AKR1B10: variants seen among roughly 807,000 people sequenced by gnomAD.
The protein encoded by AKR1B10 is aldo-keto reductase family 1 member B10.
Under a neutral mutation model 38.9 loss-of-function variants are expected in AKR1B10, and 39 were observed. The observed-to-expected ratio is 1.00, with a 90% CI of 0.78 to 1.31. The LOEUF is 1.31. Among genes scored for constraint, AKR1B10 ranks in the 50% most tolerant of loss-of-function variants. The pLI, the probability that AKR1B10 is intolerant of heterozygous loss-of-function variation, is 0.00. For synonymous variants in AKR1B10, 148 were observed against 141.2 expected, an observed-to-expected ratio of 1.05 and a Z score of -0.34; for missense variants, 361 against 382.6, an observed-to-expected ratio of 0.94 and a Z score of 0.47.
chr7:134,540,596 GGAT>G (rs1303535892), intron 9 of AKR1B10, among the ~76,000 whole-genome samples: 1 of 152,154 alleles, frequency 6.6e-6, no homozygotes, highest in Non-Finnish European at 1.5e-5. Context: ...TTATAAAGTA[GGAT>G]GATAATACTA....
Position 134,527,859 on chromosome 7 carries a change from G to A in AKR1B10, c.-53G>A, listed in dbSNP as rs2037004. The A allele has an allele frequency of 0.38, 607,655 of 1,610,320 alleles. 116,776 individuals are homozygous for A. Among genetic ancestry groups the A allele is most frequent in the Non-Finnish European group, 0.4 (467,361 of 1,178,778 alleles). On this transcript the variant is annotated 5_prime_UTR_variant, in exon 1 of 10. Coordinates refer to ENST00000359579, the MANE Select transcript of AKR1B10 (RefSeq NM_020299.5). ...AGACTGTCTCAAAAACAGCAACAGA[G>A]AGCAGGACGTGAGACTTCTACCTGC...
Position 134,538,969 on chromosome 7 carries a change from C to T in AKR1B10, c.860C>T (p.Ala287Val). The change falls in exon 9 of 10, where the codon GCA becomes GTA. Residue 287 changes from alanine to valine, a missense_variant. Transcript: ENST00000359579. ...TTTAAATTGAGTGATGAGGAGATGG[C>T]AACCATACTCAGCTTCAACAGAAAC... ...FDFKLSDEEM[A>V]TILSFNRNWR... 3 of 1,614,038 alleles carry T rather than the reference C, an allele frequency of 1.9e-6. No homozygotes were observed. Among genetic ancestry groups the T allele is most frequent in the Non-Finnish European group, 2.5e-6 (3 of 1,179,966 alleles).
At position 134,531,912 on chromosome 7, in the gene AKR1B10, G is replaced by T; in HGVS notation, c.239G>T (p.Trp80Leu). 1 of 1,614,028 alleles carries T rather than the reference G, an allele frequency of 6.2e-7. No homozygotes were observed. The highest frequency in any genetic ancestry group is 1.3e-5 in the African/African-American group (1 of 75,026). Residue 80 changes from tryptophan (W) to leucine (L), a missense_variant, in exon 3 of 10, where the codon TGG (tryptophan) becomes TTG (leucine). Trp to Leu is a moderately conservative substitution (Grantham distance 61). This residue lies in a region of AKR1B10 where 220 missense variants were observed against 216.1 expected (regional missense o/e 1.02). Coordinates refer to ENST00000359579, the MANE Select transcript of AKR1B10 (RefSeq NM_020299.5). ...TCATTGCTACACTCTTTGCAGTTGT[G>T]GCCCACTTTCTTTGAGAGACCCCTT... Reference protein sequence around the residue: ...REDLFIVSKLWPTFFERPLVR... With the variant: ...REDLFIVSKLLPTFFERPLVR...
chr7:134,528,769 G>C (rs1256901368), intron 1 of AKR1B10, among the ~76,000 whole-genome samples: 1 of 152,046 alleles, frequency 6.6e-6, no homozygotes, highest in Non-Finnish European at 1.5e-5. Context: ...GAGAGACAGA[G>C]AGAAACAAAA....
At chr7:134,540,759 T>C (rs1273443277) in intron 9 of AKR1B10, among the ~76,000 whole-genome samples, 6 of 152,142 alleles carry the variant, frequency 3.9e-5, no homozygotes, top group African/African-American at 1.2e-4. Flanking sequence ...TGAGAGTGGA[T>C]TGGGACAAGA....
chr7:134,537,153 C>A lies in AKR1B10; in HGVS notation c.655C>A (p.Pro219Thr), dbSNP rs1808035619. The part of the protein sequence containing the change: ...AYSPLGSPDR[P>T]WAKPEDPSLL... ...CAGCCCCCTGGGCTCTCCGGATAGA[C>A]CTTGGTGAGGCTTCCAAGTGGTGGG... is the stretch of plus-strand genomic sequence containing the variant. The change falls in exon 6 of 10, where the codon CCT becomes ACT. Residue 219 changes from proline (P) to threonine (T), a missense_variant. By Grantham distance (38) the Pro-to-Thr change is conservative. This residue lies in a region of AKR1B10 where 132 missense variants were observed against 134.6 expected (regional missense o/e 0.98). Transcript: ENST00000359579. 3.8e-6 allele frequency: 6 copies of A among 1,583,614 alleles called. No homozygotes were observed. Among genetic ancestry groups the A allele is most frequent in the East Asian group, 2.3e-5 (1 of 44,030 alleles).
In AKR1B10 at chr7:134,527,986, G is replaced by A. The variant is rs1230670132; in HGVS notation, c.66+9G>A. The A allele has an allele frequency of 8.1e-6, 13 of 1,613,594 alleles. No individual in the cohort carries two copies. The highest frequency in any genetic ancestry group is 1.1e-5 in the Non-Finnish European group (13 of 1,179,686). On this transcript the variant is annotated intron_variant, in intron 1 of 9. Coordinates refer to ENST00000359579, the MANE Select transcript of AKR1B10 (RefSeq NM_020299.5). ...GCCTGGGCACTTGGAAGGTAAATAT[G>A]CAAATCTTTGCACACCCTTCTTCTC...
chr7:134,529,067 C>A (rs1440382860), intron 1 of AKR1B10, among the ~76,000 whole-genome samples: 1 of 152,206 alleles, frequency 6.6e-6, no homozygotes, highest in Admixed American at 6.5e-5. Flanking sequence ...CATGATAGCA[C>A]TACCCTAACT....
intron 3 of AKR1B10, among the ~76,000 whole-genome samples, 185 bp from the exon 4 acceptor site, chr7:134,532,819 A>C (rs1383784767): frequency 6.6e-6 from 1 of 152,194 alleles, no homozygotes; most frequent in African/African-American, 2.4e-5. Flanking sequence ...TTTCTAAAAT[A>C]TTAGTATGCT....
intron 9 of AKR1B10, among the ~76,000 whole-genome samples, chr7:134,540,833 G>C (rs1419743796): frequency 6.6e-6 from 1 of 152,098 alleles, no homozygotes; most frequent in African/African-American, 2.4e-5. Flanking sequence ...TTATTCTGCT[G>C]CCCTGCTCAC....
chr7:134,528,063 G>C lies in AKR1B10; in HGVS notation c.66+86G>C. Reference sequence around the variant, plus strand: ...TTCTGCATTCAGCCAGGAAAGCCTGGAGGTCGGGCAGGGGTTGGAGAGGTA... The same window carrying C: ...TTCTGCATTCAGCCAGGAAAGCCTGCAGGTCGGGCAGGGGTTGGAGAGGTA... On this transcript the variant is annotated intron_variant, in intron 1 of 9. Coordinates refer to ENST00000359579, the MANE Select transcript of AKR1B10 (RefSeq NM_020299.5). The C allele has an allele frequency of 1.9e-6, 3 of 1,541,624 alleles. No homozygotes were observed. In the South Asian group the frequency reaches 3.5e-5, roughly 18 times the overall value.
intron 1 of AKR1B10, 61 bp from the exon 2 acceptor site, chr7:134,530,582 C>G: frequency 6.3e-7 from 1 of 1,588,998 alleles, no homozygotes; most frequent in Non-Finnish European, 8.6e-7. Flanking sequence ...CTGGGCAACA[C>G]GGCAGGGCCC....
In AKR1B10 at chr7:134,535,641, G is replaced by A. The variant is rs73724973; in HGVS notation, c.430-1009G>A. Reference sequence around the variant, plus strand: ...GGCCCAGCTTATACTCTACCTGAAGGACTCCCCTGACAACTGCGGGCTGTA... The same window carrying A: ...GGCCCAGCTTATACTCTACCTGAAGAACTCCCCTGACAACTGCGGGCTGTA... On this transcript the variant is annotated intron_variant, in intron 4 of 9. Coordinates refer to ENST00000359579, the MANE Select transcript of AKR1B10 (RefSeq NM_020299.5). The A allele has an allele frequency of 7.2e-3, 6,212 of 866,116 alleles. 300 individuals carry two copies. The African/African-American group carries it at 0.11, about 15-fold the overall frequency. The allele number at this position is 866,116 out of a possible 1,614,324, so 53.7% of individuals were successfully genotyped here. A position where few individuals can be genotyped will look rare whatever the true frequency, so the allele number is the denominator to read the frequency against.
intron 4 of AKR1B10, among the ~76,000 whole-genome samples, chr7:134,536,348 T>C (rs1808001669): frequency 1.2e-5 from 1 of 85,938 alleles, no homozygotes; most frequent in South Asian, 5.2e-4. Context: ...AAAACTTTCA[T>C]ATTTCCCCTG....
chr7:134,534,736 A>T (rs71541927), intron 4 of AKR1B10, among the ~76,000 whole-genome samples: 37 of 152,252 alleles, frequency 2.4e-4, no homozygotes, highest in Non-Finnish European at 5.1e-4. Flanking sequence ...GTTCTAATAC[A>T]GGAAAACTAA....
intron 1 of AKR1B10, among the ~76,000 whole-genome samples, 167 bp from the exon 2 acceptor site, chr7:134,530,476 C>A (rs968084262): frequency 1.3e-5 from 2 of 152,184 alleles, no homozygotes; most frequent in Non-Finnish European, 2.9e-5. Context: ...TGAAGGTGGC[C>A]TGGGGATAAG....
At chr7:134,528,092 T>C in intron 1 of AKR1B10, 115 bp downstream of exon 1, 2 of 1,360,696 alleles carry the variant, frequency 1.5e-6, no homozygotes, top group Non-Finnish European at 2.0e-6. Flanking sequence ...AGAGGTAAGA[T>C]TCAGCCCTGG....
At chr7:134,538,403 T>C (rs1808069938) in intron 8 of AKR1B10, 126 bp downstream of exon 8, 1 of 963,452 alleles carries the variant, frequency 1.0e-6, no homozygotes, top group Non-Finnish European at 1.6e-6. Flanking sequence ...CACCCTATCA[T>C]TTTCCAGCCC....
intron 4 of AKR1B10, among the ~76,000 whole-genome samples, chr7:134,533,666 C>T (rs1406822086): frequency 6.6e-6 from 1 of 152,160 alleles, no homozygotes; most frequent in Non-Finnish European, 1.5e-5. Context: ...TGGGATTAGA[C>T]CCAGACTCAT....
Sources: gnomAD v4.1 joint callset for allele counts (sites outside exome capture counted in the v4.1 genomes callset) on GRCh38, gnomAD v4.1.1 for gene constraint, gnomAD v4.1.1 regional missense constraint, MANE v1.5 for transcripts, NCBI Gene and HGNC (gene_info 2026-07-23, HGNC 2026-07-21) for gene names.